Variants in COL11A1 observed in about 807,000 individuals in gnomAD.
The protein encoded by COL11A1 is collagen type XI alpha 1 chain.
In COL11A1, 74 loss-of-function variants were observed where a neutral mutation model predicts 265.2. That is an observed-to-expected ratio of 0.28 (90% CI 0.23 to 0.34). The LOEUF (loss-of-function observed/expected upper bound fraction) is 0.34, where lower values mean the gene tolerates loss of function less well. COL11A1 is among the 10% of genes least tolerant of loss of function. The probability of loss-of-function intolerance (pLI) is 1.00; values close to 1 mark genes in which losing one functional copy is unlikely to be tolerated. For missense variants in COL11A1, 2,165 were observed against 2,263.6 expected (o/e 0.96, Z 0.88); for synonymous variants, 816 against 727.6 (o/e 1.12, Z -1.96).
chr1:103,063,426 A>G (rs1381674284), intron 4 of COL11A1, among the ~76,000 whole-genome samples: 1 of 152,136 alleles, frequency 6.6e-6, no homozygotes, highest in Admixed American at 6.5e-5. Context: ...AATATACTAA[A>G]CTGATCTTTG....
intron 4 of COL11A1, among the ~76,000 whole-genome samples, chr1:103,070,030 C>T (rs1671454846): frequency 6.6e-6 from 1 of 151,322 alleles, no homozygotes; most frequent in Admixed American, 6.6e-5. Flanking sequence ...AATCATGAAC[C>T]TACCAAATAA....
chr1:102,886,644 T>G (rs1363425751), intron 63 of COL11A1, among the ~76,000 whole-genome samples, 163 bp downstream of exon 63: 1 of 152,198 alleles, frequency 6.6e-6, no homozygotes, highest in Non-Finnish European at 1.5e-5. Context: ...CAAATCTTGA[T>G]TTATGCAGTA....
At chr1:102,887,085 G>A (rs1225761784) in intron 62 of COL11A1, 29 bp from the exon 63 acceptor site, 1 of 1,612,702 alleles carries the variant, frequency 6.2e-7, no homozygotes. Flanking sequence ...GAGTGCAATT[G>A]TTTCATAAAG....
chr1:103,104,963 A>G (rs1280410826), intron 1 of COL11A1, among the ~76,000 whole-genome samples: 4 of 152,254 alleles, frequency 2.6e-5, no homozygotes, highest in East Asian at 3.9e-4. Context: ...AGGGCTCACT[A>G]TCGATTCCTG....
At chr1:103,105,087 T>A (rs1674587247) in intron 1 of COL11A1, among the ~76,000 whole-genome samples, 3 of 151,980 alleles carry the variant, frequency 2.0e-5, no homozygotes, top group African/African-American at 7.2e-5. Flanking sequence ...TTAGATTTTT[T>A]TTTTTTAGTG....
Position 103,012,404 on chromosome 1 carries a change from G to T in COL11A1, c.1629+9C>A. ...TTTAACATATATTATCTTTGTTGGG[G>T]TAACCTACCACAGGACCTGGTCTTC... On this transcript the variant is annotated intron_variant, in intron 14 of 66. Transcript: ENST00000370096. 1.2e-6 allele frequency: 2 copies of T among 1,611,202 alleles called. No homozygotes were observed. Among genetic ancestry groups the T allele is most frequent in the East Asian group, 2.2e-5 (1 of 44,814 alleles).
At chr1:102,901,842 CACAA>C (rs1300488584) in intron 54 of COL11A1, among the ~76,000 whole-genome samples, 2 of 152,106 alleles carry the variant, frequency 1.3e-5, no homozygotes, top group African/African-American at 4.8e-5. Flanking sequence ...CCACTCATGT[CACAA>C]ACATTTAAAT....
Position 103,005,863 on chromosome 1 carries a change from C to T in COL11A1, c.1820G>A (p.Gly607Asp). ...KGDRGFDGLP[G>D]LPGDKGHRGE... is the part of the protein sequence containing the mutation. ...CCTGTGACCTTTGTCACCTGGCAGA[C>T]CCGGAAGTCCATCAAACCCTCGATC... is the stretch of plus-strand genomic sequence containing the variant. Residue 607 changes from glycine (G) to aspartate (D), a missense_variant, in exon 18 of 67, where the codon GGT (glycine) becomes GAT (aspartate). Coordinates refer to ENST00000370096, the MANE Select transcript of COL11A1 (RefSeq NM_001854.4). 6.2e-7 allele frequency: 1 copy of T among 1,613,662 alleles called. No homozygotes were observed. Among genetic ancestry groups the T allele is most frequent in the Non-Finnish European group, 8.5e-7 (1 of 1,179,966 alleles).
chr1:102,946,362 A>T (rs1289933410), intron 42 of COL11A1, among the ~76,000 whole-genome samples: 1 of 152,006 alleles, frequency 6.6e-6, no homozygotes, highest in East Asian at 1.9e-4. Flanking sequence ...AATCCAATAG[A>T]TATTAGATGA....
chr1:103,021,625 C>T (rs979632786), intron 9 of COL11A1, 82 bp downstream of exon 9: 46 of 905,606 alleles, frequency 5.1e-5, no homozygotes, highest in Non-Finnish European at 8.0e-5. Context: ...TGGTAAAACA[C>T]GAACATACAT....
chr1:103,096,884 TAA>T (rs1412210534), intron 1 of COL11A1, among the ~76,000 whole-genome samples: 1 of 152,058 alleles, frequency 6.6e-6, no homozygotes, highest in Non-Finnish European at 1.5e-5. Flanking sequence ...TTAGAAATGC[TAA>T]GTTATGTTTT....
chr1:102,945,247 ACTCT>A (rs3056651), intron 42 of COL11A1, among the ~76,000 whole-genome samples: 3,755 of 129,176 alleles, frequency 0.029, 126 homozygotes, highest in African/African-American at 0.091. Flanking sequence ...TTTTCTTTTT[ACTCT>A]CTCTCTCTCT....
chr1:102,989,580 TTATA>T lies in COL11A1; in HGVS notation c.2341-13_2341-10del, dbSNP rs752367248. On this transcript the variant is annotated splice_polypyrimidine_tract_variant and intron_variant, in intron 28 of 66. Transcript: ENST00000370096. The stretch of plus-strand genomic sequence containing the variant: ...GGAAAACCATCTTCACCCTAAAACA[TTATA>T]AAAGGAATTAAATAGGAGTTTAATC... 1 of 1,602,494 alleles carries T rather than the reference TTATA, an allele frequency of 6.2e-7. No homozygotes were observed. The highest frequency in any genetic ancestry group is 1.1e-5 in the South Asian group (1 of 90,796).
chr1:102,897,442 A>AT (rs67892116), intron 57 of COL11A1, among the ~76,000 whole-genome samples: 186 of 150,976 alleles, frequency 1.2e-3, no homozygotes, highest in East Asian at 2.7e-3. Flanking sequence ...TAAGAAAAAA[A>AT]AATATATATA....
chr1:102,894,713 A>G (rs2100894271), intron 57 of COL11A1, among the ~76,000 whole-genome samples: 1 of 152,252 alleles, frequency 6.6e-6, no homozygotes, highest in South Asian at 2.1e-4. Flanking sequence ...AACAAACTCC[A>G]ATAGAGTTAT....
intron 11 of COL11A1, 41 bp from the exon 12 acceptor site, chr1:103,015,783 A>T: frequency 7.6e-7 from 1 of 1,315,290 alleles, no homozygotes; most frequent in Non-Finnish European, 1.1e-6. Flanking sequence ...ATAAATATCA[A>T]AATAATATTT....
At chr1:103,086,072 A>C (rs1672832583) in intron 1 of COL11A1, among the ~76,000 whole-genome samples, 2 of 135,978 alleles carry the variant, frequency 1.5e-5, no homozygotes, top group Admixed American at 1.4e-4. Flanking sequence ...TAAAACATAC[A>C]TATAATATGT....
Position 102,915,653 on chromosome 1 carries a change from G to A in COL11A1, c.3794C>T (p.Pro1265Leu), listed in dbSNP as rs775808299. The A allele has an allele frequency of 2.5e-6, 4 of 1,613,248 alleles. No homozygotes were observed. The highest frequency in any genetic ancestry group is 2.5e-6 in the Non-Finnish European group (3 of 1,179,280). The change falls in exon 50 of 67, where the codon CCT (proline) becomes CTT (leucine). Residue 1265 changes from proline to leucine, a missense_variant. Physicochemically the swap from Pro to Leu is moderately conservative, Grantham distance 98 (BLOSUM62 -3). Transcript: ENST00000370096. ...TACGCCTACACCTGCTTCCCCAGGA[G>A]GCCCTGGGTTCCCTGCTTCTCCAGG... ...GEPGEAGNPG[P>L]PGEAGVGGPK...
intron 41 of COL11A1, among the ~76,000 whole-genome samples, chr1:102,954,137 A>C (rs923475661): frequency 1.3e-5 from 2 of 152,156 alleles, no homozygotes; most frequent in African/African-American, 4.8e-5. Flanking sequence ...AAAGGGAAGA[A>C]TTTACCTTTC....
Sources: gnomAD v4.1 joint callset for allele counts (sites outside exome capture counted in the v4.1 genomes callset) on GRCh38, gnomAD v4.1.1 for gene constraint, MANE v1.5 for transcripts, NCBI Gene and HGNC (gene_info 2026-07-23, HGNC 2026-07-21) for gene names.